Variants in AKAP14 observed in about 807,000 individuals in gnomAD.
AKAP14 encodes the protein A-kinase anchoring protein 14.
AKAP14 carries 4 observed loss-of-function variants against 17.0 expected under a neutral mutation model. That is an observed-to-expected ratio of 0.23 (90% confidence interval 0.12 to 0.54). The LOEUF is 0.54. Ranked by LOEUF, AKAP14 falls within the 20% of genes least tolerant of loss-of-function variation. The pLI is 0.95. For missense variants in AKAP14, 129 were observed against 150.9 expected (o/e 0.85, Z 0.76); for synonymous variants, 42 against 51.3 (o/e 0.82, Z 0.77).
Position 119,914,874 on chromosome X carries a change from C to T in AKAP14, c.437C>T (p.Pro146Leu). The stretch of plus-strand genomic sequence containing the variant: ...ACCATGAAGGTCTCCAAAACCAAAC[C>T]ACCGGTAAGTTCTTCTTTTTCTCCC... ...YFTMKVSKTK[P>L]PDAPIVVSYV... The change falls in exon 5 of 7, where the codon CCA becomes CTA. Residue 146 changes from proline to leucine, a missense_variant. Coordinates refer to ENST00000371431, the MANE Select transcript of AKAP14 (RefSeq NM_178813.6). The T allele has an allele frequency of 8.3e-7, 1 of 1,204,418 alleles. No homozygotes were observed. Among genetic ancestry groups the T allele is most frequent in the Non-Finnish European group, 1.1e-6 (1 of 890,908 alleles).
intron 6 of AKAP14, 73 bp downstream of exon 6, chrX:119,920,036 C>T (rs1358031600): frequency 4.0e-5 from 42 of 1,039,701 alleles, no homozygotes; most frequent in South Asian, 3.1e-4. Context: ...CCAGCAGTTG[C>T]GCAACAACAG....
chrX:119,920,714 C>T lies in AKAP14; in HGVS notation c.*107C>T. 2 of 569,263 alleles carry T rather than the reference C, an allele frequency of 3.5e-6. No individual in the cohort carries two copies. Among genetic ancestry groups the T allele is most frequent in the Non-Finnish European group, 5.3e-6 (2 of 374,510 alleles). 46.9% of individuals were successfully genotyped at this position (569,263 alleles called of 1,213,427 possible). On this transcript the variant is annotated 3_prime_UTR_variant, in exon 7 of 7. Coordinates refer to ENST00000371431, the MANE Select transcript of AKAP14 (RefSeq NM_178813.6). Reference sequence around the variant, plus strand: ...TATTGAGTAATAAACTTGTGGCACACAATCCAGCTGTATTTTTTTGCATTC... The same window carrying T: ...TATTGAGTAATAAACTTGTGGCACATAATCCAGCTGTATTTTTTTGCATTC...
chrX:119,917,636 C>T (rs1220645731), intron 5 of AKAP14, among the ~76,000 whole-genome samples: 3 of 108,760 alleles, frequency 2.8e-5, no homozygotes, highest in Non-Finnish European at 3.8e-5. Flanking sequence ...AAAATATAGC[C>T]GGGTCTGGTG....
At chrX:119,900,816 C>A (rs2056561148) in intron 2 of AKAP14, among the ~76,000 whole-genome samples, 1 of 112,197 alleles carries the variant, frequency 8.9e-6, no homozygotes, top group Non-Finnish European at 1.9e-5. Flanking sequence ...GGATTACAGG[C>A]CTGAGCCACT....
chrX:119,903,786 T>C, intron 4 of AKAP14, 200 bp downstream of exon 4: 1 of 734,026 alleles, frequency 1.4e-6, no homozygotes, highest in Non-Finnish European at 2.0e-6. Context: ...ACAATCACAA[T>C]CATTTTCCCT....
chrX:119,903,034 A>G (rs1395094573), intron 2 of AKAP14, among the ~76,000 whole-genome samples, 180 bp from the exon 3 acceptor site: 1 of 111,928 alleles, frequency 8.9e-6, no homozygotes, highest in Non-Finnish European at 1.9e-5. Context: ...TTTTCAGGAA[A>G]AGTAGATAGC....
intron 4 of AKAP14, among the ~76,000 whole-genome samples, chrX:119,904,714 C>G (rs1412399010): frequency 9.0e-6 from 1 of 111,223 alleles, no homozygotes; most frequent in Non-Finnish European, 1.9e-5. Flanking sequence ...GAAACCCCGT[C>G]TCTATTAAAA....
At chrX:119,916,206 C>G (rs1412168417) in intron 5 of AKAP14, among the ~76,000 whole-genome samples, 1 of 109,268 alleles carries the variant, frequency 9.2e-6, no homozygotes, top group African/African-American at 3.3e-5. Context: ...CAGAGTCGCT[C>G]TGTCATCCAG....
intron 6 of AKAP14, 137 bp downstream of exon 6, chrX:119,920,100 G>A (rs1322523717): frequency 3.4e-6 from 2 of 590,103 alleles, no homozygotes; most frequent in East Asian, 7.0e-5. Context: ...CCATTAGAAT[G>A]GGCTGAAACT....
chrX:119,914,262 C>T (rs1473065476), intron 4 of AKAP14, among the ~76,000 whole-genome samples: 1 of 108,609 alleles, frequency 9.2e-6, no homozygotes, highest in African/African-American at 3.3e-5. Context: ...AAATTAGGAG[C>T]GGACTCCAGA....
intron 4 of AKAP14, among the ~76,000 whole-genome samples, chrX:119,908,301 A>T (rs1442447201): frequency 1.5e-5 from 1 of 66,335 alleles, no homozygotes; most frequent in Non-Finnish European, 3.1e-5. Context: ...AAAAAAAAAA[A>T]AGAAGGATGG....
chrX:119,912,232 C>T (rs982287135), intron 4 of AKAP14, among the ~76,000 whole-genome samples: 10 of 110,425 alleles, frequency 9.1e-5, no homozygotes, highest in Non-Finnish European at 1.3e-4. Flanking sequence ...AGCTTGCGCC[C>T]GGCCCACGGG....
At position 119,914,837 on chromosome X, in the gene AKAP14, G is replaced by T. The variant is rs1254549958; in HGVS notation, c.400G>T (p.Gly134Cys). The T allele has an allele frequency of 1.3e-5, 16 of 1,208,956 alleles. No homozygotes were observed. Among genetic ancestry groups the T allele is most frequent in the Non-Finnish European group, 1.8e-5 (16 of 894,753 alleles). The change falls in exon 5 of 7, where the codon GGT (glycine) becomes TGT (cysteine). Residue 134 changes from glycine to cysteine, a missense_variant. Physicochemically the swap from Gly to Cys is radical, Grantham distance 159 (BLOSUM62 -3). Coordinates refer to ENST00000371431, the MANE Select transcript of AKAP14 (RefSeq NM_178813.6). Reference protein sequence around the residue: ...ADLPVARISAGTYFTMKVSKT... With the variant: ...ADLPVARISACTYFTMKVSKT... ...CCTACCCGTAGCACGAATCTCTGCT[G>T]GTACCTACTTCACCATGAAGGTCTC... is the stretch of plus-strand genomic sequence containing the variant.
chrX:119,900,563 C>T (rs945108276), intron 2 of AKAP14, among the ~76,000 whole-genome samples: 2 of 111,557 alleles, frequency 1.8e-5, no homozygotes, highest in Non-Finnish European at 3.8e-5. Context: ...GACAGGGTCT[C>T]GCTCTGTCAC....
In AKAP14 at chrX:119,903,365, A is replaced by G. The variant is rs1461574250; in HGVS notation, c.142A>G (p.Ile48Val). The G allele has an allele frequency of 3.3e-6, 4 of 1,210,557 alleles. No individual in the cohort carries two copies. The South Asian group carries it at 5.3e-5, about 16-fold the overall frequency. ...AGCTCTAGCTCTGGTTGAGGATGTCATCAATTATGCTGTTAAGATTGTGGA... is the reference window on the plus strand; with the variant it reads ...AGCTCTAGCTCTGGTTGAGGATGTCGTCAATTATGCTGTTAAGATTGTGGA... The part of the protein sequence containing the change: ...QVALALVEDV[I>V]NYAVKIVEEE... Residue 48 changes from isoleucine to valine, a missense_variant, in exon 3 of 7, where the codon ATC (isoleucine) becomes GTC (valine). Coordinates refer to ENST00000371431, the MANE Select transcript of AKAP14 (RefSeq NM_178813.6).
intron 2 of AKAP14, among the ~76,000 whole-genome samples, chrX:119,899,186 G>T (rs866868925): frequency 1.3e-5 from 1 of 76,445 alleles, no homozygotes; most frequent in Non-Finnish European, 2.5e-5. Flanking sequence ...AAAAAAAAAA[G>T]GAAGAAAGAA....
At chrX:119,919,573 T>C (rs194288) in intron 5 of AKAP14, among the ~76,000 whole-genome samples, 203 of 112,360 alleles carry the variant, frequency 1.8e-3, no homozygotes, top group Middle Eastern at 9.2e-3. Context: ...GGGCTGGGCG[T>C]GGTGGCTCAC....
In AKAP14 at chrX:119,915,525, G is replaced by A. The variant is rs188354981; in HGVS notation, c.441+647G>A. ...GAATCCAACAAATTTTTTTTTTTGA[G>A]ACAGAGTTTCACTCTTATTGCCCAG... is the stretch of plus-strand genomic sequence containing the variant. On this transcript the variant is annotated intron_variant, in intron 5 of 6. Coordinates refer to ENST00000371431, the MANE Select transcript of AKAP14 (RefSeq NM_178813.6). Among the ~76,000 whole-genome samples the A allele has an allele frequency of 3.8e-4, 42 of 110,191 alleles. No individual in the cohort carries two copies. The East Asian group carries it at 0.011, about 30-fold the overall frequency.
chrX:119,916,720 T>C (rs192455208), intron 5 of AKAP14, among the ~76,000 whole-genome samples: 3,132 of 96,992 alleles, frequency 0.032, 59 homozygotes, highest in Middle Eastern at 0.061. Flanking sequence ...AGGCTGGTCT[T>C]GAACTCCTGA....
Sources: gnomAD v4.1 joint callset for allele counts (sites outside exome capture counted in the v4.1 genomes callset) on GRCh38, gnomAD v4.1.1 for gene constraint, MANE v1.5 for transcripts, NCBI Gene and HGNC (gene_info 2026-07-23, HGNC 2026-07-21) for gene names.